The following ZNF804B variants were observed in gnomAD, a reference collection of about 807,000 sequenced individuals.
ZNF804B encodes zinc finger 804B.
In ZNF804B, 80 loss-of-function variants were observed where a neutral mutation model predicts 101.4. That is an observed-to-expected ratio of 0.79 (90% confidence interval 0.66 to 0.95). The LOEUF (loss-of-function observed/expected upper bound fraction) is 0.95. Among genes scored for constraint, ZNF804B ranks in the 40% least tolerant of loss-of-function variants. The pLI, the probability that ZNF804B is intolerant of heterozygous loss-of-function variation, is 0.00. For missense variants in ZNF804B, 1,673 were observed against 1,561.9 expected, an observed-to-expected ratio of 1.07 and a Z score of -1.20; for synonymous variants, 622 against 558.8, an observed-to-expected ratio of 1.11 and a Z score of -1.59.
At chr7:89,036,257 A>T (rs1349487802) in intron 1 of ZNF804B, among the ~76,000 whole-genome samples, 5 of 151,466 alleles carry the variant, frequency 3.3e-5, no homozygotes, top group Non-Finnish European at 7.4e-5. Flanking sequence ...GCTAAACTTT[A>T]TCCATGAAAA....
intron 1 of ZNF804B, among the ~76,000 whole-genome samples, chr7:89,197,334 G>A (rs867607595): frequency 6.6e-6 from 1 of 151,814 alleles, no homozygotes; most frequent in Non-Finnish European, 1.5e-5. Flanking sequence ...TTTTTCCAGG[G>A]ACAATATGCG....
intron 2 of ZNF804B, among the ~76,000 whole-genome samples, chr7:89,285,031 T>G (rs541394692): frequency 6.6e-6 from 1 of 151,662 alleles, no homozygotes; most frequent in East Asian, 2.0e-4. Flanking sequence ...AGACCCTGTC[T>G]CCACTAAATA....
intron 1 of ZNF804B, among the ~76,000 whole-genome samples, chr7:89,135,160 C>T (rs1790612433): frequency 6.6e-6 from 1 of 152,130 alleles, no homozygotes; most frequent in African/African-American, 2.4e-5. Context: ...TTTTCCATGA[C>T]TGACTTACAA....
chr7:88,954,166 T>G (rs17165722), intron 1 of ZNF804B, among the ~76,000 whole-genome samples: 51,266 of 151,530 alleles, frequency 0.34, 8,893 homozygotes, highest in East Asian at 0.48. Context: ...GGATACAATT[T>G]TTTGAGTTTT....
At chr7:89,028,166 A>G (rs114718365) in intron 1 of ZNF804B, among the ~76,000 whole-genome samples, 2,693 of 152,276 alleles carry the variant, frequency 0.018, 87 homozygotes, top group African/African-American at 0.062. Flanking sequence ...ATGTCAATAT[A>G]TAACAAATAA....
rs1789711041 is a variant in ZNF804B, at chr7:89,082,538, C to A, written c.109-135617C>A. Among the ~76,000 whole-genome samples the A allele has an allele frequency of 1.3e-5, 2 of 151,682 alleles. 1 individual carries two copies. Among genetic ancestry groups the A allele is most frequent in the Non-Finnish European group, 3.0e-5 (2 of 67,714 alleles). ...CACTAAGGAGTAGAAAATTATATTA[C>A]ACAGTTTGTTGCATCACCCACATAT... On this transcript the variant is annotated intron_variant, in intron 1 of 3. Transcript: ENST00000333190.
At chr7:89,076,077 C>T (rs1789612127) in intron 1 of ZNF804B, among the ~76,000 whole-genome samples, 1 of 152,096 alleles carries the variant, frequency 6.6e-6, no homozygotes, top group Non-Finnish European at 1.5e-5. Flanking sequence ...AAGGGCCTTG[C>T]CTTGTCTTTG....
intron 1 of ZNF804B, among the ~76,000 whole-genome samples, chr7:88,979,620 T>G (rs1210537675): frequency 7.2e-6 from 1 of 138,656 alleles, no homozygotes; most frequent in African/African-American, 2.8e-5. Context: ...TTTTTTTTTT[T>G]GCTGTTTTTA....
chr7:89,209,591 A>G (rs566243003), intron 1 of ZNF804B, among the ~76,000 whole-genome samples: 2 of 152,364 alleles, frequency 1.3e-5, no homozygotes, highest in East Asian at 1.9e-4. Flanking sequence ...TACATAAAAA[A>G]GATTGTTCTA....
chr7:88,802,896 C>T (rs959156445), intron 1 of ZNF804B, among the ~76,000 whole-genome samples: 6 of 152,032 alleles, frequency 3.9e-5, no homozygotes, highest in Admixed American at 6.6e-5. Flanking sequence ...TTGCCAGTTA[C>T]GTTAAATGCA....
intron 1 of ZNF804B, among the ~76,000 whole-genome samples, chr7:89,067,604 G>C (rs1789472715): frequency 6.6e-6 from 1 of 152,218 alleles, no homozygotes; most frequent in South Asian, 2.1e-4. Flanking sequence ...GGAACAGTGA[G>C]AGTTGGAAGA....
chr7:88,981,509 C>A (rs1793694695), intron 1 of ZNF804B, among the ~76,000 whole-genome samples: 1 of 152,060 alleles, frequency 6.6e-6, no homozygotes, highest in Non-Finnish European at 1.5e-5. Flanking sequence ...TAGCTGGTCT[C>A]TCACTGGGTT....
rs1791012084 is a variant in ZNF804B at position 89,333,090 on chromosome 7, G to GTGATGTAAATGCTT, written c.381-271_381-258dup. ...TGATAGATTCTATAGGACATATATT[G>GTGATGTAAATGCTT]TGATGTAAATGCTTTAGAAGCAGTA... On this transcript the variant is annotated intron_variant, in intron 3 of 3. Transcript: ENST00000333190. 2.0e-5 allele frequency among the ~76,000 whole-genome samples: 3 copies of GTGATGTAAATGCTT among 151,980 alleles called. No individual in the cohort carries two copies. The South Asian group carries it at 6.2e-4, about 32-fold the overall frequency.
At chr7:88,949,027 A>G (rs201604401) in intron 1 of ZNF804B, among the ~76,000 whole-genome samples, 13 of 150,948 alleles carry the variant, frequency 8.6e-5, no homozygotes, top group Non-Finnish European at 1.5e-4. Flanking sequence ...GAGTTGAGAA[A>G]GCGTTGGTGT....
At chr7:89,308,438 G>A (rs1043879564) in intron 2 of ZNF804B, among the ~76,000 whole-genome samples, 3 of 152,098 alleles carry the variant, frequency 2.0e-5, no homozygotes, top group African/African-American at 7.2e-5. Flanking sequence ...GGAATATAAA[G>A]GCTAAGTCAA....
chr7:89,162,199 A>G (rs906675153), intron 1 of ZNF804B, among the ~76,000 whole-genome samples: 3 of 152,160 alleles, frequency 2.0e-5, no homozygotes, highest in African/African-American at 7.2e-5. Flanking sequence ...ACAAGTATAG[A>G]TACACATCTC....
chr7:88,877,015 T>A lies in ZNF804B; in HGVS notation c.108+116931T>A, dbSNP rs868150929. Among the ~76,000 whole-genome samples, 550 of 77,094 alleles carry A rather than the reference T, an allele frequency of 7.1e-3. 13 individuals are homozygous for A. The highest frequency in any genetic ancestry group is 0.038 in the East Asian group (84 of 2,204). 50.6% of individuals were successfully genotyped at this position (77,094 alleles called of 152,430 possible). A position where few individuals can be genotyped will look rare whatever the true frequency, so the allele number is the denominator to read the frequency against. ...GAATATTTGAAAAAAAAAATATATA[T>A]ATATATATATAATATATATATATAT... On this transcript the variant is annotated intron_variant, in intron 1 of 3. Transcript: ENST00000333190.
chr7:89,183,393 A>T (rs1788328661), intron 1 of ZNF804B, among the ~76,000 whole-genome samples: 1 of 152,158 alleles, frequency 6.6e-6, no homozygotes. Context: ...GAGAGTAAAA[A>T]AAAAGATCCT....
At chr7:89,051,189 T>C (rs1296631978) in intron 1 of ZNF804B, among the ~76,000 whole-genome samples, 2 of 152,074 alleles carry the variant, frequency 1.3e-5, no homozygotes, top group Non-Finnish European at 2.9e-5. Flanking sequence ...TGTGTGTAGG[T>C]GTGTGTGCAT....
Sources: allele counts gnomAD v4.1 joint callset (sites outside exome capture counted in the v4.1 genomes callset), GRCh38; gene constraint gnomAD v4.1.1; transcripts MANE v1.5; gene names NCBI Gene and HGNC (gene_info 2026-07-23, HGNC 2026-07-21).